Variants in CPNE8 observed in about 807,000 individuals in gnomAD.
CPNE8 encodes the protein copine 8.
Under a neutral mutation model 81.5 loss-of-function variants are expected in CPNE8, and 45 were observed. That is an observed-to-expected ratio of 0.55 (90% confidence interval 0.44 to 0.71). The LOEUF (loss-of-function observed/expected upper bound fraction) is 0.71, where lower values mean the gene tolerates loss of function less well. Among genes scored for constraint, CPNE8 ranks in the 30% least tolerant of loss-of-function variants. The probability of loss-of-function intolerance (pLI) is 0.00; values close to 1 mark genes in which losing one functional copy is unlikely to be tolerated. For missense variants in CPNE8, 594 were observed against 672.1 expected, an observed-to-expected ratio of 0.88 and a Z score of 1.28; for synonymous variants, 252 against 226.3, an observed-to-expected ratio of 1.11 and a Z score of -1.02.
At chr12:38,669,699 T>A (rs1417868360) in intron 19 of CPNE8, among the ~76,000 whole-genome samples, 1 of 152,086 alleles carries the variant, frequency 6.6e-6, no homozygotes, top group Non-Finnish European at 1.5e-5. Flanking sequence ...TAAGACAGCT[T>A]GAGCACAGAG....
At position 38,848,431 on chromosome 12, in the gene CPNE8, G is replaced by A. The variant is rs1054900648; in HGVS notation, c.290+128C>T. 4 of 1,377,578 alleles carry A rather than the reference G, an allele frequency of 2.9e-6. No individual in the cohort carries two copies. In the East Asian group the frequency reaches 1.2e-4, roughly 40 times the overall value. 85.3% of individuals were successfully genotyped at this position (1,377,578 alleles called of 1,614,324 possible). A position where few individuals can be genotyped will look rare whatever the true frequency, so the allele number is the denominator to read the frequency against. ...AGGGGGCTTGCTTGGGCCACACTCT[G>A]AACAGAATTAATCTGGTTTCCTGCC... On this transcript the variant is annotated intron_variant, in intron 4 of 19. Coordinates refer to ENST00000331366, the MANE Select transcript of CPNE8 (RefSeq NM_153634.3).
In CPNE8 at chr12:38,833,369, A is replaced by G. The variant is rs957911248; in HGVS notation, c.331-3914T>C. ...CTTATCTCAAAAAAAAAAAAAAAAAAAAAGAAAAGAAAAGATACCTTTGGC... is the reference window on the plus strand; with the variant it reads ...CTTATCTCAAAAAAAAAAAAAAAAAGAAAGAAAAGAAAAGATACCTTTGGC... On this transcript the variant is annotated intron_variant, in intron 5 of 19. Transcript: ENST00000331366. Among the ~76,000 whole-genome samples, 179 of 151,256 alleles carry G rather than the reference A, an allele frequency of 1.2e-3. 1 individual carries two copies. The highest frequency in any genetic ancestry group is 4.1e-3 in the African/African-American group (168 of 41,348).
chr12:38,798,527 C>A (rs1942564285), intron 6 of CPNE8, among the ~76,000 whole-genome samples: 1 of 151,648 alleles, frequency 6.6e-6, no homozygotes, highest in African/African-American at 2.4e-5. Flanking sequence ...CCAGGCCTGC[C>A]CTAAAAGAGC....
intron 6 of CPNE8, among the ~76,000 whole-genome samples, chr12:38,797,866 A>C (rs979622833): frequency 2.0e-5 from 3 of 152,206 alleles, no homozygotes; most frequent in African/African-American, 7.2e-5. Context: ...GAGCTGATGG[A>C]GCTGAAAGCA....
At chr12:38,676,653 C>T (rs1403164344) in intron 17 of CPNE8, among the ~76,000 whole-genome samples, 3 of 152,112 alleles carry the variant, frequency 2.0e-5, no homozygotes, top group African/African-American at 7.2e-5. Context: ...CATGTTATAA[C>T]ATGTTTTTTC....
intron 14 of CPNE8, among the ~76,000 whole-genome samples, chr12:38,697,551 ATATT>A (rs1018681380): frequency 2.8e-4 from 42 of 152,192 alleles, no homozygotes; most frequent in African/African-American, 8.9e-4. Context: ...TGGTAACTCT[ATATT>A]TAACAATGTG....
At chr12:38,863,312 G>A (rs889813538) in intron 3 of CPNE8, among the ~76,000 whole-genome samples, 1 of 152,136 alleles carries the variant, frequency 6.6e-6, no homozygotes, top group Admixed American at 6.5e-5. Flanking sequence ...TGTATGTAAC[G>A]AAGATACTGA....
At chr12:38,693,866 T>C in intron 14 of CPNE8, 28 bp from the exon 15 acceptor site, 1 of 1,546,000 alleles carries the variant, frequency 6.5e-7, no homozygotes, top group South Asian at 1.3e-5. Context: ...ATTTCAAACA[T>C]AAGCAATTAG....
intron 6 of CPNE8, among the ~76,000 whole-genome samples, chr12:38,806,877 C>T (rs1481101775): frequency 1.3e-5 from 2 of 151,126 alleles, no homozygotes; most frequent in African/African-American, 4.8e-5. Context: ...CCAAAATCTC[C>T]TTAAGCTGAT....
chr12:38,657,727 T>C lies in CPNE8; in HGVS notation c.1507-3657A>G, dbSNP rs140617099. On this transcript the variant is annotated intron_variant, in intron 19 of 19. Transcript: ENST00000331366. Reference sequence around the variant, plus strand: ...TTCAGTTCTGCAATATTTGCTGTTCTGCAGCCTCCACTGGTGATACCCAGG... The same window carrying C: ...TTCAGTTCTGCAATATTTGCTGTTCCGCAGCCTCCACTGGTGATACCCAGG... Among the ~76,000 whole-genome samples the C allele has an allele frequency of 7.3e-3, 1,119 of 152,304 alleles. 11 individuals are homozygous for C. The highest frequency in any genetic ancestry group is 0.021 in the African/African-American group (857 of 41,566).
chr12:38,879,885 C>T (rs1048386780), intron 1 of CPNE8, among the ~76,000 whole-genome samples: 2 of 151,682 alleles, frequency 1.3e-5, no homozygotes, highest in African/African-American at 4.8e-5. Context: ...GGGGTTAAGT[C>T]CTCAACTTGG....
chr12:38,888,080 C>G (rs1438867008), intron 1 of CPNE8, among the ~76,000 whole-genome samples: 2 of 151,930 alleles, frequency 1.3e-5, no homozygotes, highest in Admixed American at 6.6e-5. Flanking sequence ...CTACAGATCT[C>G]CACTAAGTAG....
chr12:38,667,655 G>A (rs1210132310), intron 19 of CPNE8, among the ~76,000 whole-genome samples: 3 of 152,140 alleles, frequency 2.0e-5, no homozygotes, highest in Admixed American at 2.0e-4. Context: ...TTCAGTAAAT[G>A]TTAAGACCTC....
chr12:38,704,792 G>T (rs75887394), intron 13 of CPNE8, among the ~76,000 whole-genome samples: 87 of 134,312 alleles, frequency 6.5e-4, no homozygotes, highest in African/African-American at 2.2e-3. Flanking sequence ...CTGAATTATT[G>T]TAAGCTGAGG....
At chr12:38,694,139 G>A (rs575183422) in intron 14 of CPNE8, among the ~76,000 whole-genome samples, 1 of 152,048 alleles carries the variant, frequency 6.6e-6, no homozygotes, top group Non-Finnish European at 1.5e-5. Flanking sequence ...AAGTACTTTT[G>A]TTAATCTTAT....
At chr12:38,848,750 A>G in intron 3 of CPNE8, 88 bp from the exon 4 acceptor site, 1 of 1,392,160 alleles carries the variant, frequency 7.2e-7, no homozygotes, top group Non-Finnish European at 9.4e-7. Context: ...GTTCTTTTAA[A>G]AAACAAGCAA....
At chr12:38,847,001 A>G (rs1043283537) in intron 4 of CPNE8, among the ~76,000 whole-genome samples, 4 of 152,116 alleles carry the variant, frequency 2.6e-5, no homozygotes, top group African/African-American at 9.7e-5. Context: ...TACAAGGTAA[A>G]GGAAAATATA....
rs758441498 is a variant in CPNE8, at chr12:38,670,776, C to T, written c.1459G>A (p.Val487Ile). The change falls in exon 19 of 20, where the codon GTA (valine) becomes ATA (isoleucine). Residue 487 changes from valine to isoleucine, a missense_variant. Coordinates refer to ENST00000331366, the MANE Select transcript of CPNE8 (RefSeq NM_153634.3). Reference protein sequence around the residue: ...DAMVELDGDDVRVSSRGKYAE... With the variant: ...DAMVELDGDDIRVSSRGKYAE... ...TATTTTCCTCTAGAGGAGACTCTTA[C>T]ATCATCTCCATCCAATTCGACCATT... 6 of 1,609,718 alleles carry T rather than the reference C, an allele frequency of 3.7e-6. No homozygotes were observed. Among genetic ancestry groups the T allele is most frequent in the East Asian group, 2.2e-5 (1 of 44,550 alleles).
intron 13 of CPNE8, among the ~76,000 whole-genome samples, chr12:38,703,892 A>T (rs1940019389): frequency 6.6e-6 from 1 of 152,148 alleles, no homozygotes; most frequent in African/African-American, 2.4e-5. Context: ...TAACCGAGGG[A>T]GTGAAAATCT....
Sources: gnomAD v4.1 joint callset for allele counts (sites outside exome capture counted in the v4.1 genomes callset) on GRCh38, gnomAD v4.1.1 for gene constraint, MANE v1.5 for transcripts, NCBI Gene and HGNC (gene_info 2026-07-23, HGNC 2026-07-21) for gene names.